The following FAM81A variants were observed in gnomAD, a reference collection of about 807,000 sequenced individuals.
FAM81A encodes the protein protein FAM81A.
A neutral mutation model predicts 46.7 loss-of-function variants in FAM81A; 19 were observed. The ratio of observed to expected loss-of-function variants is 0.41; its 90% CI spans 0.28 to 0.60. FAM81A has a LOEUF of 0.60. FAM81A is among the 20% of genes least tolerant of loss of function. The probability of loss-of-function intolerance (pLI) is 0.34; values close to 1 mark genes in which losing one functional copy is unlikely to be tolerated. For missense variants in FAM81A, 377 were observed against 453.5 expected, an observed-to-expected ratio of 0.83 and a Z score of 1.53; for synonymous variants, 183 against 152.9, an observed-to-expected ratio of 1.20 and a Z score of -1.45.
chr15:59,483,897 G>C (rs1238881130), intron 3 of FAM81A, among the ~76,000 whole-genome samples: 1 of 152,204 alleles, frequency 6.6e-6, no homozygotes, highest in African/African-American at 2.4e-5. Flanking sequence ...CCATGGAGGG[G>C]TGGACAGGTT....
At chr15:59,461,185 C>T (rs377408696) in intron 3 of FAM81A, among the ~76,000 whole-genome samples, 1 of 152,226 alleles carries the variant, frequency 6.6e-6, no homozygotes, top group Non-Finnish European at 1.5e-5. Context: ...TACCCCAGCC[C>T]AGGCAACCAC....
intron 3 of FAM81A, among the ~76,000 whole-genome samples, chr15:59,486,728 T>G (rs991901067): frequency 2.2e-4 from 34 of 152,150 alleles, no homozygotes; most frequent in Non-Finnish European, 2.5e-4. Flanking sequence ...GCATGACGTC[T>G]TTAAAGTGCT....
Position 59,428,233 on chromosome 15 carries a change from C to T in FAM81A, c.-78+25875C>T, listed in dbSNP as rs2081203612. On this transcript the variant is annotated intron_variant, in intron 2 of 4. Coordinates refer to the FAM81A transcript ENST00000558348. Reference sequence around the variant, plus strand: ...AGAAATGTCTATTCAGATCTTTTGTCCATTTTAAATTGGATTATTAGATAT... The same window carrying T: ...AGAAATGTCTATTCAGATCTTTTGTTCATTTTAAATTGGATTATTAGATAT... Among the ~76,000 whole-genome samples the T allele has an allele frequency of 2.0e-5, 3 of 152,170 alleles. No homozygotes were observed. In the South Asian group the frequency reaches 6.2e-4, roughly 32 times the overall value.
At chr15:59,472,543 G>A (rs1241330348) in intron 3 of FAM81A, among the ~76,000 whole-genome samples, 3 of 139,626 alleles carry the variant, frequency 2.1e-5, no homozygotes, top group African/African-American at 8.3e-5. Flanking sequence ...TTGATTATGT[G>A]TTCCTTTCCC....
At chr15:59,437,137 C>T (rs537719475), upstream of FAM81A, among the ~76,000 whole-genome samples, 2 of 152,120 alleles carry the variant, frequency 1.3e-5, no homozygotes, top group Non-Finnish European at 2.9e-5. Flanking sequence ...AATAACAGTC[C>T]TTAATACTAA....
intron 1 of FAM81A, among the ~76,000 whole-genome samples, chr15:59,454,796 T>A (rs1458155703): frequency 6.6e-6 from 1 of 151,720 alleles, no homozygotes; most frequent in African/African-American, 2.4e-5. Flanking sequence ...CAGCTAATTT[T>A]TTTTATTTTT....
intron 1 of FAM81A, among the ~76,000 whole-genome samples, chr15:59,453,198 C>G (rs182696059): frequency 6.6e-6 from 1 of 152,352 alleles, no homozygotes; most frequent in African/African-American, 2.4e-5. Context: ...TCTGGATATT[C>G]CATAGCCTCC....
chr15:59,432,135 T>A (rs1471890410), intron 2 of FAM81A, among the ~76,000 whole-genome samples: 1 of 152,258 alleles, frequency 6.6e-6, no homozygotes, highest in Non-Finnish European at 1.5e-5. Context: ...TGCATCACTC[T>A]ATATGCCTTT....
intron 2 of FAM81A, among the ~76,000 whole-genome samples, chr15:59,416,352 G>T (rs1349065317): frequency 6.6e-6 from 1 of 152,208 alleles, no homozygotes; most frequent in Non-Finnish European, 1.5e-5. Context: ...GGAGAGACGG[G>T]GGCTTTTGTC....
chr15:59,520,967 C>T (rs1052150467), intron 8 of FAM81A, among the ~76,000 whole-genome samples: 7 of 152,176 alleles, frequency 4.6e-5, no homozygotes, highest in Admixed American at 1.3e-4. Context: ...TCAGAAGTTA[C>T]GTGATGTTGT....
At chr15:59,426,766 A>G (rs967710337) in intron 2 of FAM81A, among the ~76,000 whole-genome samples, 2 of 152,224 alleles carry the variant, frequency 1.3e-5, no homozygotes, top group African/African-American at 2.4e-5. Context: ...ACACGCCTCG[A>G]CATACCTCTG....
intron 6 of FAM81A, among the ~76,000 whole-genome samples, chr15:59,513,590 G>A (rs1210648645): frequency 6.6e-6 from 1 of 152,132 alleles, no homozygotes; most frequent in African/African-American, 2.4e-5. Flanking sequence ...AGGAAAATAT[G>A]TAATTCTGAT....
chr15:59,500,389 C>A (rs1255978901), intron 4 of FAM81A, among the ~76,000 whole-genome samples: 2 of 152,048 alleles, frequency 1.3e-5, no homozygotes, highest in Non-Finnish European at 2.9e-5. Context: ...TCTCAAACTG[C>A]TGGGCTCAAG....
chr15:59,405,499 A>G (rs1395164495), intron 2 of FAM81A, among the ~76,000 whole-genome samples: 1 of 151,976 alleles, frequency 6.6e-6, no homozygotes, highest in Non-Finnish European at 1.5e-5. Context: ...AAATTAGCTG[A>G]GCATGGTGGT....
At position 59,514,383 on chromosome 15, in the gene FAM81A, C is replaced by T. The variant is rs2082245622; in HGVS notation, c.745C>T (p.Gln249Ter). Reference protein sequence around the residue: ...EQERIEKELLQKIDQLSLIVK... With the variant: ...EQERIEKELL ...AGAACGGATAGAAAAAGAGCTTTTA[C>T]AGAAAATTGATCAGCTTTCCTTGAT... The change falls in exon 7 of 9, where the codon CAG (glutamine) becomes TAG (stop). Residue 249 changes from glutamine to a stop codon, truncating the protein, a stop_gained. Coordinates refer to ENST00000288228, the MANE Select transcript of FAM81A (RefSeq NM_152450.3). LOFTEE classifies it high-confidence loss of function. 6.2e-7 allele frequency: 1 copy of T among 1,613,334 alleles called. No individual in the cohort carries two copies.
At chr15:59,512,832 G>A (rs892451425) in intron 6 of FAM81A, among the ~76,000 whole-genome samples, 6 of 152,214 alleles carry the variant, frequency 3.9e-5, no homozygotes, top group Non-Finnish European at 8.8e-5. Context: ...AGAGTCCAGG[G>A]CAGAAGCTTT....
intron 2 of FAM81A, among the ~76,000 whole-genome samples, chr15:59,413,413 A>C (rs575295300): frequency 4.8e-5 from 6 of 123,952 alleles, no homozygotes; most frequent in African/African-American, 2.1e-4. Flanking sequence ...GGTTGAGAGC[A>C]TTAAACACAC....
chr15:59,415,494 GGA>G (rs1392775069), intron 2 of FAM81A, among the ~76,000 whole-genome samples: 61 of 152,286 alleles, frequency 4.0e-4, no homozygotes, highest in African/African-American at 1.4e-3. Flanking sequence ...AGTGGAACAG[GGA>G]GGCAGACGAG....
intron 7 of FAM81A, 33 bp from the exon 8 acceptor site, chr15:59,516,612 G>C (rs2082269663): frequency 6.3e-7 from 1 of 1,580,424 alleles, no homozygotes; most frequent in African/African-American, 1.4e-5. Context: ...TCTTTTTGGA[G>C]TGATTAAGTG....
Sources: gnomAD v4.1 joint callset for allele counts (sites outside exome capture counted in the v4.1 genomes callset) on GRCh38, gnomAD v4.1.1 for gene constraint, MANE v1.5 for transcripts, NCBI Gene and HGNC (gene_info 2026-07-23, HGNC 2026-07-21) for gene names.